Variants in TNR observed in about 807,000 individuals in gnomAD.
TNR encodes tenascin R.
TNR carries 45 observed loss-of-function variants against 150.4 expected under a neutral mutation model. That is an observed-to-expected ratio of 0.30 (90% confidence interval 0.24 to 0.38). The LOEUF is 0.38. TNR is among the 10% of genes least tolerant of loss of function. TNR has a pLI of 1.00. For missense variants in TNR, 1,544 were observed against 1,759.1 expected, an observed-to-expected ratio of 0.88 and a Z score of 2.19; for synonymous variants, 687 against 678.4, an observed-to-expected ratio of 1.01 and a Z score of -0.20.
Position 175,538,203 on chromosome 1 carries a change from G to A in TNR, c.-164-9834C>T, listed in dbSNP as rs564422539. ...AGTTGCTCTGTGCAGATGACAACCT[G>A]TGGAAAATGGGAAGGGGAGGTACAA... On this transcript the variant is annotated intron_variant, in intron 1 of 22. Coordinates refer to ENST00000367674, the MANE Select transcript of TNR (RefSeq NM_003285.3). Among the ~76,000 whole-genome samples, 238 of 152,270 alleles carry A rather than the reference G, an allele frequency of 1.6e-3. 1 individual carries two copies. The highest frequency in any genetic ancestry group is 2.8e-3 in the Non-Finnish European group (190 of 68,034).
Position 175,319,952 on chromosome 1 carries a change from T to G in TNR, c.*3405A>C, listed in dbSNP as rs1648954672. On this transcript the variant is annotated 3_prime_UTR_variant, in exon 23 of 23. Transcript: ENST00000367674. ...CTTCACCTTCCAGAAATAACCCTGG[T>G]GAATGTGCATCTGATATGTTGGAAA... 6.6e-6 allele frequency: 1 copy of G among 152,196 alleles called. No homozygotes were observed. The highest frequency in any genetic ancestry group is 6.5e-5 in the Admixed American group (1 of 15,282). The allele number at this position is 152,196 out of a possible 1,614,324, so 9.4% of individuals were successfully genotyped here.
At chr1:175,339,502 G>C (rs547271350) in intron 18 of TNR, among the ~76,000 whole-genome samples, 24 of 152,292 alleles carry the variant, frequency 1.6e-4, no homozygotes, top group Admixed American at 1.2e-3. Context: ...GGTGTGAGCT[G>C]TCTCTGTCTC....
chr1:175,599,615 G>T lies in TNR; in HGVS notation c.-164-71246C>A, dbSNP rs1266532303. Reference sequence around the variant, plus strand: ...CCACCCGGAGGCAGCCCGGAGCAGCGTCGCCCCAGCAGGCTTATGCGGACC... The same window carrying T: ...CCACCCGGAGGCAGCCCGGAGCAGCTTCGCCCCAGCAGGCTTATGCGGACC... On this transcript the variant is annotated intron_variant, in intron 1 of 22. Coordinates refer to ENST00000367674, the MANE Select transcript of TNR (RefSeq NM_003285.3). The surrounding 1 kb of genome is among the most constrained non-coding windows in gnomAD (Gnocchi z 4.7). 6.6e-6 allele frequency among the ~76,000 whole-genome samples: 1 copy of T among 152,190 alleles called. No individual in the cohort carries two copies. The highest frequency in any genetic ancestry group is 6.5e-5 in the Admixed American group (1 of 15,280).
intron 1 of TNR, among the ~76,000 whole-genome samples, chr1:175,571,293 T>A (rs1661859320): frequency 6.6e-6 from 1 of 152,204 alleles, no homozygotes. Context: ...AAGCCCCATC[T>A]TCTTTTGAAT....
intron 16 of TNR, 44 bp from the exon 17 acceptor site, chr1:175,355,677 T>C: frequency 6.2e-7 from 1 of 1,609,474 alleles, no homozygotes. Context: ...CCTCTCCAGC[T>C]CCTCCCCCTG....
chr1:175,355,572 G>A lies in TNR; in HGVS notation c.3180C>T (p.Ser1060=), dbSNP rs1005214458. The change falls in exon 17 of 23, where the codon TCC becomes TCT. Residue 1060 remains serine (S), a synonymous_variant. Transcript: ENST00000367674. ...SEVTRQSALI[S]WQPPRAEIEN... ...CAATCTCTGCCCTGGGAGGCTGCCAGGAGATCAGGGCACTTTGTCTGGTGA... is the reference window on the plus strand; with the variant it reads ...CAATCTCTGCCCTGGGAGGCTGCCAAGAGATCAGGGCACTTTGTCTGGTGA... 1 of 1,614,104 alleles carries A rather than the reference G, an allele frequency of 6.2e-7. No individual in the cohort carries two copies. Among genetic ancestry groups the A allele is most frequent in the African/African-American group, 1.3e-5 (1 of 75,070 alleles).
chr1:175,654,228 A>G (rs975624364), intron 1 of TNR, among the ~76,000 whole-genome samples: 33 of 152,182 alleles, frequency 2.2e-4, no homozygotes, highest in African/African-American at 8.0e-4. Context: ...TGGCATATAC[A>G]TGCAAAAGAC....
At chr1:175,557,390 T>C (rs10489312) in intron 1 of TNR, among the ~76,000 whole-genome samples, 22,150 of 152,216 alleles carry the variant, frequency 0.15, 1,760 homozygotes, top group Non-Finnish European at 0.18. Context: ...CTTGAAGCAC[T>C]CAACAATATG....
intron 1 of TNR, among the ~76,000 whole-genome samples, chr1:175,718,983 A>G (rs1667229589): frequency 6.6e-6 from 1 of 152,134 alleles, no homozygotes; most frequent in South Asian, 2.1e-4. Context: ...CAATCTGCCA[A>G]TTTCAGACAA....
intron 15 of TNR, among the ~76,000 whole-genome samples, chr1:175,358,689 G>A (rs1242919591): frequency 2.0e-5 from 3 of 152,172 alleles, no homozygotes; most frequent in Admixed American, 1.3e-4. Flanking sequence ...TAAGCCTAGA[G>A]ACTTGGAGGA....
At chr1:175,400,751 T>C (rs1453912277) in intron 4 of TNR, among the ~76,000 whole-genome samples, 1 of 152,162 alleles carries the variant, frequency 6.6e-6, no homozygotes, top group Non-Finnish European at 1.5e-5. Flanking sequence ...CTCAGTCCCA[T>C]GGGCAATGGG....
At chr1:175,450,266 C>G (rs1656242436) in intron 2 of TNR, among the ~76,000 whole-genome samples, 1 of 152,230 alleles carries the variant, frequency 6.6e-6, no homozygotes, top group South Asian at 2.1e-4. Context: ...AGCAGGGCCC[C>G]AAGTGGGGCT....
At position 175,486,391 on chromosome 1, in the gene TNR, T is replaced by C. The variant is rs113633151; in HGVS notation, c.-64+41878A>G. Among the ~76,000 whole-genome samples, 217 of 152,228 alleles carry C rather than the reference T, an allele frequency of 1.4e-3. 2 individuals carry two copies. Among genetic ancestry groups the C allele is most frequent in the African/African-American group, 5.0e-3 (206 of 41,530 alleles). On this transcript the variant is annotated intron_variant, in intron 2 of 22. Transcript: ENST00000367674. Reference sequence around the variant, plus strand: ...ACATGCGGTGTTTGGTTTTCTGTTCTTGTGTTAGTTTGCTGAGAATGATGG... The same window carrying C: ...ACATGCGGTGTTTGGTTTTCTGTTCCTGTGTTAGTTTGCTGAGAATGATGG...
At chr1:175,655,360 A>C (rs1665139589) in intron 1 of TNR, among the ~76,000 whole-genome samples, 1 of 152,212 alleles carries the variant, frequency 6.6e-6, no homozygotes, top group South Asian at 2.1e-4. Flanking sequence ...CCAACAGTGA[A>C]AAAAATTTAT....
At chr1:175,449,761 C>T (rs761477779) in intron 2 of TNR, among the ~76,000 whole-genome samples, 6 of 152,218 alleles carry the variant, frequency 3.9e-5, no homozygotes, top group Non-Finnish European at 8.8e-5. Flanking sequence ...TTTTCTTTCA[C>T]CTGCTCATAC....
At chr1:175,361,841 G>A (rs1031323324) in intron 14 of TNR, among the ~76,000 whole-genome samples, 10 of 152,334 alleles carry the variant, frequency 6.6e-5, no homozygotes, top group African/African-American at 2.4e-4. Flanking sequence ...ATCTTTGCAT[G>A]TTCTGCCTGG....
intron 2 of TNR, among the ~76,000 whole-genome samples, chr1:175,451,202 TAG>T (rs1384001431): frequency 2.4e-5 from 3 of 126,380 alleles, no homozygotes; most frequent in Non-Finnish European, 4.7e-5. Context: ...AGCACCTGGT[TAG>T]TTTTTTTTTT....
Position 175,375,476 on chromosome 1 carries a change from TG to T in TNR, c.1963+4075del, listed in dbSNP as rs3216195. ...TCTGGACATTGCCTACAGAGAATAA[TG>T]GGGGGGGAGTGTTTGAATTTTGGGC... On this transcript the variant is annotated intron_variant, in intron 9 of 22. Coordinates refer to ENST00000367674, the MANE Select transcript of TNR (RefSeq NM_003285.3). Among the ~76,000 whole-genome samples the T allele has an allele frequency of 1.1e-3, 169 of 151,440 alleles. 1 individual carries two copies. Among genetic ancestry groups the T allele is most frequent in the African/African-American group, 3.4e-3 (139 of 41,210 alleles).
At chr1:175,645,260 A>C (rs1028461381) in intron 1 of TNR, among the ~76,000 whole-genome samples, 1 of 152,244 alleles carries the variant, frequency 6.6e-6, no homozygotes, top group Admixed American at 6.5e-5. Flanking sequence ...TAAACAATTA[A>C]AATAAAAACA....
Sources: gnomAD v4.1 joint callset for allele counts (sites outside exome capture counted in the v4.1 genomes callset) on GRCh38, gnomAD v4.1.1 for gene constraint, Gnocchi (gnomAD v3.1) non-coding constraint, MANE v1.5 for transcripts, NCBI Gene and HGNC (gene_info 2026-07-23, HGNC 2026-07-21) for gene names.